Variants in TIMD4 observed in about 807,000 individuals in gnomAD.
TIMD4 encodes T cell immunoglobulin and mucin domain containing 4.
A neutral mutation model predicts 41.2 loss-of-function variants in TIMD4; 31 were observed. The ratio of observed to expected loss-of-function variants is 0.75; its 90% CI spans 0.57 to 1.01. TIMD4 has a LOEUF of 1.01. TIMD4 is among the 50% of genes least tolerant of loss of function. The pLI is 0.00. For synonymous variants in TIMD4, 204 were observed against 177.1 expected, an observed-to-expected ratio of 1.15 and a Z score of -1.21; for missense variants, 479 against 472.5, an observed-to-expected ratio of 1.01 and a Z score of -0.13.
intron 5 of TIMD4, among the ~76,000 whole-genome samples, chr5:156,930,289 A>C (rs776272460): frequency 6.6e-6 from 1 of 152,206 alleles, no homozygotes; most frequent in Non-Finnish European, 1.5e-5. Flanking sequence ...CCTCACAAGC[A>C]ACCCTATGAG....
chr5:156,943,150 G>A (rs954624236), intron 5 of TIMD4, among the ~76,000 whole-genome samples: 9 of 152,160 alleles, frequency 5.9e-5, no homozygotes, highest in Non-Finnish European at 1.3e-4. Context: ...TGGCAGAAGT[G>A]GCCTCTTGTT....
chr5:156,944,256 T>G lies in TIMD4; in HGVS notation c.844+4160A>C, dbSNP rs376817418. Among the ~76,000 whole-genome samples the G allele has an allele frequency of 9.2e-5, 14 of 152,254 alleles. 1 individual carries two copies. The East Asian group carries it at 2.3e-3, about 25-fold the overall frequency. ...CTTGTACTTGTTACTGAATTATAGC[T>G]CCTAGCCATTTGGGGTTTTGTAGAA... On this transcript the variant is annotated intron_variant, in intron 5 of 8. Coordinates refer to ENST00000274532, the MANE Select transcript of TIMD4 (RefSeq NM_138379.3).
chr5:156,961,404 CAATT>C (rs1334729557), intron 1 of TIMD4, among the ~76,000 whole-genome samples: 2 of 152,148 alleles, frequency 1.3e-5, no homozygotes, highest in Non-Finnish European at 2.9e-5. Context: ...GAAAGGAAAT[CAATT>C]AAAGAGATAT....
intron 6 of TIMD4, 151 bp from the exon 7 acceptor site, chr5:156,922,367 G>A (rs755318977): frequency 2.3e-5 from 17 of 724,486 alleles, no homozygotes; most frequent in East Asian, 7.9e-5. Context: ...CCCAAAACAC[G>A]TGACCCATAT....
At chr5:156,943,134 G>T (rs1181229997) in intron 5 of TIMD4, among the ~76,000 whole-genome samples, 1 of 152,170 alleles carries the variant, frequency 6.6e-6, no homozygotes, top group Admixed American at 6.5e-5. Flanking sequence ...CCAGTTATTT[G>T]GGAGCTGGCA....
At chr5:156,947,296 GTAGGGAGAA>G (rs1165912919) in intron 5 of TIMD4, among the ~76,000 whole-genome samples, 11 of 152,246 alleles carry the variant, frequency 7.2e-5, no homozygotes, top group Admixed American at 2.0e-4. Context: ...CATATCAAGT[GTAGGGAGAA>G]TATGGGAAAG....
intron 8 of TIMD4, among the ~76,000 whole-genome samples, 196 bp downstream of exon 8, chr5:156,920,268 T>A (rs1172900872): frequency 3.9e-5 from 6 of 152,212 alleles, no homozygotes; most frequent in Non-Finnish European, 8.8e-5. Context: ...GTACTGGCAT[T>A]TTGCTCAGAG....
At chr5:156,940,084 G>A (rs935187654) in intron 5 of TIMD4, among the ~76,000 whole-genome samples, 1 of 152,254 alleles carries the variant, frequency 6.6e-6, no homozygotes, top group Non-Finnish European at 1.5e-5. Flanking sequence ...AGCCTGCTGA[G>A]TGCCTGGGAT....
chr5:156,960,253 G>A (rs181358735), intron 1 of TIMD4, among the ~76,000 whole-genome samples: 1 of 152,016 alleles, frequency 6.6e-6, no homozygotes, highest in East Asian at 1.9e-4. Flanking sequence ...CAAACTTCAA[G>A]TTTCCAGGAT....
chr5:156,924,044 C>A (rs777446681), intron 6 of TIMD4: 14 of 190,360 alleles, frequency 7.4e-5, no homozygotes, highest in Non-Finnish European at 1.4e-4. Flanking sequence ...ACAGGGGTCT[C>A]GCCCTGTTGC....
chr5:156,957,359 A>G (rs1759989232), intron 1 of TIMD4, among the ~76,000 whole-genome samples: 2 of 151,992 alleles, frequency 1.3e-5, no homozygotes, highest in African/African-American at 4.8e-5. Flanking sequence ...ACAAAAATAC[A>G]AAAATTAGCT....
chr5:156,920,341 C>T lies in TIMD4; in HGVS notation c.1052+123G>A, dbSNP rs73291360. 8,265 of 1,112,364 alleles carry T rather than the reference C, an allele frequency of 7.4e-3. 453 individuals are homozygous for T. The African/African-American group carries it at 0.11, about 15-fold the overall frequency. The allele number at this position is 1,112,364 out of a possible 1,614,324, so 68.9% of individuals were successfully genotyped here. On this transcript the variant is annotated intron_variant, in intron 8 of 8. Transcript: ENST00000274532. ...CACAACTTTTTCACTTCTAATGTCA[C>T]ATCTTTCCAACTCTATGTGTAATCG...
At chr5:156,949,050 A>C (rs1759799457) in intron 4 of TIMD4, among the ~76,000 whole-genome samples, 1 of 152,220 alleles carries the variant, frequency 6.6e-6, no homozygotes, top group East Asian at 1.9e-4. Context: ...GACCCCCAGC[A>C]AAAAGGAATA....
chr5:156,948,243 T>G (rs1759781735), intron 5 of TIMD4, among the ~76,000 whole-genome samples, 173 bp downstream of exon 5: 1 of 151,532 alleles, frequency 6.6e-6, no homozygotes, highest in African/African-American at 2.4e-5. Flanking sequence ...CTCTAGAACT[T>G]TGAGAGGCCA....
intron 5 of TIMD4, among the ~76,000 whole-genome samples, chr5:156,928,769 A>T (rs1416203064): frequency 6.6e-6 from 1 of 152,194 alleles, no homozygotes; most frequent in Non-Finnish European, 1.5e-5. Context: ...ATATCCTAGA[A>T]CTAAGTTATT....
At chr5:156,948,320 T>G (rs1238854928) in intron 5 of TIMD4, 96 bp downstream of exon 5, 32 of 652,926 alleles carry the variant, frequency 4.9e-5, no homozygotes, top group Non-Finnish European at 6.4e-5. Flanking sequence ...AGAACTCATC[T>G]CTACAAAAAA....
At position 156,951,719 on chromosome 5, in the gene TIMD4, GGGT is replaced by G; in HGVS notation, c.469_471del (p.Thr157del). On this transcript the variant is annotated inframe_deletion, in exon 3 of 9. Transcript: ENST00000274532. ...GCAGCTGGGGTTGTTGTCATTTGTC[GGGT>G]GGTGGTGGGGCTTGTTGTTGTTGTT... The G allele has an allele frequency of 1.9e-6, 3 of 1,614,072 alleles. No individual in the cohort carries two copies. The highest frequency in any genetic ancestry group is 2.2e-5 in the South Asian group (2 of 91,068).
chr5:156,931,968 G>A (rs1759451107), intron 5 of TIMD4, among the ~76,000 whole-genome samples: 1 of 151,826 alleles, frequency 6.6e-6, no homozygotes, highest in Admixed American at 6.6e-5. Context: ...GAATTTTACT[G>A]AGAAAAATTA....
At chr5:156,959,209 G>A (rs947489616) in intron 1 of TIMD4, among the ~76,000 whole-genome samples, 5 of 152,138 alleles carry the variant, frequency 3.3e-5, no homozygotes, top group Non-Finnish European at 5.9e-5. Flanking sequence ...AAAGGAAGCA[G>A]GTGCTGAGTA....
Sources: allele counts gnomAD v4.1 joint callset (sites outside exome capture counted in the v4.1 genomes callset), GRCh38; gene constraint gnomAD v4.1.1; transcripts MANE v1.5; gene names NCBI Gene and HGNC (gene_info 2026-07-23, HGNC 2026-07-21).